Variants in RAPGEF4 observed in about 807,000 individuals in gnomAD.
RAPGEF4 encodes the protein RAP guanine-nucleotide-exchange factor (GEF) 4.
RAPGEF4 carries 66 observed loss-of-function variants against 147.9 expected under a neutral mutation model. That is an observed-to-expected ratio of 0.45 (90% CI 0.37 to 0.55). The LOEUF (loss-of-function observed/expected upper bound fraction) is 0.55, where lower values mean the gene tolerates loss of function less well. Among genes scored for constraint, RAPGEF4 ranks in the 20% least tolerant of loss-of-function variants. The pLI is 0.00. For missense variants in RAPGEF4, 1,071 were observed against 1,257.3 expected (o/e 0.85, Z 2.24); for synonymous variants, 419 against 442.7 (o/e 0.95, Z 0.67).
chr2:172,783,631 A>G (rs1244984231), intron 1 of RAPGEF4, among the ~76,000 whole-genome samples: 3 of 152,148 alleles, frequency 2.0e-5, no homozygotes, highest in Admixed American at 1.3e-4. Flanking sequence ...GACAAAGTCA[A>G]GAGCCTCAGC....
chr2:172,798,521 C>T (rs138631229), intron 3 of RAPGEF4, among the ~76,000 whole-genome samples: 1 of 151,894 alleles, frequency 6.6e-6, no homozygotes, highest in East Asian at 1.9e-4. Flanking sequence ...CAGAAAAAAA[C>T]TGAAGGAAGA....
intron 4 of RAPGEF4, among the ~76,000 whole-genome samples, chr2:172,896,585 C>A (rs1052380003): frequency 2.6e-5 from 4 of 151,776 alleles, no homozygotes; most frequent in East Asian, 1.9e-4. Context: ...CCACCCCCCC[C>A]CAAAAAAATC....
chr2:173,030,083 C>A, intron 25 of RAPGEF4, 81 bp from the exon 26 acceptor site: 1 of 916,094 alleles, frequency 1.1e-6, no homozygotes, highest in Non-Finnish European at 1.8e-6. Flanking sequence ...ATATTAATGA[C>A]TATCAGAAAA....
intron 4 of RAPGEF4, among the ~76,000 whole-genome samples, chr2:172,840,813 A>G (rs1286460301): frequency 6.6e-6 from 1 of 152,204 alleles, no homozygotes; most frequent in Non-Finnish European, 1.5e-5. Flanking sequence ...GGTCTTAGAG[A>G]TCACTCATTG....
chr2:173,006,506 T>C (rs903659126), intron 17 of RAPGEF4, among the ~76,000 whole-genome samples: 1 of 152,180 alleles, frequency 6.6e-6, no homozygotes, highest in Non-Finnish European at 1.5e-5. Flanking sequence ...GTTTCTTGAA[T>C]TAAGAAGAAA....
At chr2:172,993,100 A>AT (rs1032593589) in intron 15 of RAPGEF4, among the ~76,000 whole-genome samples, 5 of 152,078 alleles carry the variant, frequency 3.3e-5, no homozygotes, top group African/African-American at 9.6e-5. Flanking sequence ...TTTCTGGTTC[A>AT]TTTTTTTCCC....
At chr2:172,963,230 T>A (rs1689482961) in intron 8 of RAPGEF4, among the ~76,000 whole-genome samples, 1 of 152,138 alleles carries the variant, frequency 6.6e-6, no homozygotes, top group South Asian at 2.1e-4. Flanking sequence ...AAATTACAAT[T>A]TGAGATGAGA....
chr2:173,035,518 A>G (rs1264323822), intron 27 of RAPGEF4, among the ~76,000 whole-genome samples: 3 of 151,258 alleles, frequency 2.0e-5, no homozygotes, highest in African/African-American at 7.3e-5. Flanking sequence ...CTCCAAAAAA[A>G]AAAAAAAAAA....
chr2:172,952,999 A>T (rs1007670035), intron 6 of RAPGEF4, among the ~76,000 whole-genome samples: 1 of 151,892 alleles, frequency 6.6e-6, no homozygotes. Flanking sequence ...AACAGTTGAC[A>T]GGGGGGGTCC....
At position 173,024,419 on chromosome 2, in the gene RAPGEF4, G is replaced by A. The variant is rs530976985; in HGVS notation, c.2254-2153G>A. Among the ~76,000 whole-genome samples, 626 of 141,442 alleles carry A rather than the reference G, an allele frequency of 4.4e-3. 34 individuals are homozygous for A. The highest frequency in any genetic ancestry group is 7.6e-3 in the Non-Finnish European group (478 of 62,544). The allele number at this position is 141,442 out of a possible 152,430, so 92.8% of individuals were successfully genotyped here. The stretch of plus-strand genomic sequence containing the variant: ...TTTTTAGTAGAGACGGGGTTTCACC[G>A]TTTTAGCCAGGATGGTCTCGATCTC... On this transcript the variant is annotated intron_variant, in intron 23 of 30. Transcript: ENST00000397081.
chr2:172,773,510 C>T (rs577296668), intron 1 of RAPGEF4, among the ~76,000 whole-genome samples: 1 of 152,236 alleles, frequency 6.6e-6, no homozygotes, highest in Non-Finnish European at 1.5e-5. Context: ...TGAGAAAAGA[C>T]AAAGGTCTGG....
rs1685597666 is a variant in RAPGEF4, at chr2:172,789,601, G to A, written c.66-5424G>A. Among the ~76,000 whole-genome samples, 3 of 152,304 alleles carry A rather than the reference G, an allele frequency of 2.0e-5. No individual in the cohort carries two copies. In the South Asian group the frequency reaches 6.2e-4, roughly 32 times the overall value. On this transcript the variant is annotated intron_variant, in intron 1 of 30. Coordinates refer to ENST00000397081, the MANE Select transcript of RAPGEF4 (RefSeq NM_007023.4). ...CTTTCTTGACTGAAACTCTAGGTCA[G>A]CTGATAATAACTCTTCATTTCCCTT...
chr2:172,888,955 A>G (rs1434942456), intron 4 of RAPGEF4, among the ~76,000 whole-genome samples: 1 of 152,178 alleles, frequency 6.6e-6, no homozygotes, highest in Non-Finnish European at 1.5e-5. Context: ...GTAACCACTT[A>G]TAGGGTAATA....
At chr2:172,978,068 G>A (rs1284444108) in intron 10 of RAPGEF4, among the ~76,000 whole-genome samples, 1 of 152,164 alleles carries the variant, frequency 6.6e-6, no homozygotes, top group Non-Finnish European at 1.5e-5. Context: ...AACAGCTGTT[G>A]TGGACCTCTC....
At chr2:172,871,372 T>C (rs1695220603) in intron 4 of RAPGEF4, among the ~76,000 whole-genome samples, 1 of 152,182 alleles carries the variant, frequency 6.6e-6, no homozygotes, top group Non-Finnish European at 1.5e-5. Context: ...TCAAGGGATA[T>C]GTGACAATCA....
intron 1 of RAPGEF4, among the ~76,000 whole-genome samples, chr2:172,758,959 A>G (rs1696040275): frequency 6.6e-6 from 1 of 152,216 alleles, no homozygotes; most frequent in Non-Finnish European, 1.5e-5. Context: ...GGAGTTCAGA[A>G]GGAAAGAGAG....
intron 1 of RAPGEF4, among the ~76,000 whole-genome samples, chr2:172,756,266 C>T (rs1695766298): frequency 6.6e-6 from 1 of 152,164 alleles, no homozygotes; most frequent in African/African-American, 2.4e-5. Flanking sequence ...TTAGGAGGGA[C>T]CTTAAGCAAA....
intron 1 of RAPGEF4, among the ~76,000 whole-genome samples, chr2:172,765,508 T>C (rs1391723291): frequency 3.9e-5 from 6 of 152,202 alleles, no homozygotes. Flanking sequence ...GTCTTTTTAC[T>C]TGTCCCTAGT....
chr2:172,944,354 C>G (rs953274356), intron 6 of RAPGEF4, among the ~76,000 whole-genome samples: 3 of 152,162 alleles, frequency 2.0e-5, no homozygotes, highest in Non-Finnish European at 2.9e-5. Flanking sequence ...TTTTGAAAGT[C>G]CTAAGGGGCA....
Sources: gnomAD v4.1 joint callset for allele counts (sites outside exome capture counted in the v4.1 genomes callset) on GRCh38, gnomAD v4.1.1 for gene constraint, MANE v1.5 for transcripts, NCBI Gene and HGNC (gene_info 2026-07-23, HGNC 2026-07-21) for gene names.